The following RSU1 variants were observed in gnomAD, a reference collection of about 807,000 sequenced individuals.
The protein encoded by RSU1 is Ras suppressor protein 1, also known as rsu-1.
Under a neutral mutation model 31.1 loss-of-function variants are expected in RSU1, and 26 were observed. The observed-to-expected ratio is 0.84, with a 90% CI of 0.61 to 1.16. The LOEUF (loss-of-function observed/expected upper bound fraction) is 1.16, where lower values mean the gene tolerates loss of function less well. Ranked by LOEUF, RSU1 falls within the 50% of genes most tolerant of loss-of-function variation. The pLI is 0.00. For synonymous variants in RSU1, 164 were observed against 136.3 expected (o/e 1.20, Z -1.41); for missense variants, 320 against 339.1 (o/e 0.94, Z 0.44).
At chr10:16,656,719 T>A (rs368653882) in intron 8 of RSU1, among the ~76,000 whole-genome samples, 1 of 152,156 alleles carries the variant, frequency 6.6e-6, no homozygotes, top group East Asian at 1.9e-4. Flanking sequence ...AGAATCGGCT[T>A]ATATATATTA....
chr10:16,781,213 C>T (rs922847585), intron 3 of RSU1, among the ~76,000 whole-genome samples: 2 of 152,030 alleles, frequency 1.3e-5, no homozygotes, highest in South Asian at 2.1e-4. Flanking sequence ...GGGAAAGGAG[C>T]GTGGGTCCCT....
chr10:16,716,567 A>G (rs1281009187), intron 7 of RSU1, among the ~76,000 whole-genome samples: 4 of 152,050 alleles, frequency 2.6e-5, no homozygotes, highest in African/African-American at 2.4e-5. Context: ...ATGAGCACCA[A>G]AAGACCACAC....
At chr10:16,596,441 G>T (rs888349443) in intron 8 of RSU1, among the ~76,000 whole-genome samples, 3 of 152,182 alleles carry the variant, frequency 2.0e-5, no homozygotes, top group African/African-American at 7.2e-5. Flanking sequence ...GTCCTCAGAT[G>T]TTGATCTACT....
chr10:16,684,426 T>C (rs1454175678), intron 8 of RSU1, among the ~76,000 whole-genome samples: 1 of 152,160 alleles, frequency 6.6e-6, no homozygotes, highest in Non-Finnish European at 1.5e-5. Context: ...AATGGTCATA[T>C]TTGGAGACAG....
At chr10:16,750,391 C>T (rs1836952810) in intron 7 of RSU1, among the ~76,000 whole-genome samples, 1 of 150,892 alleles carries the variant, frequency 6.6e-6, no homozygotes, top group Non-Finnish European at 1.5e-5. Flanking sequence ...AAGCCTTCCC[C>T]CTCAATTCTA....
intron 7 of RSU1, among the ~76,000 whole-genome samples, chr10:16,721,010 CAAAT>C (rs1015569040): frequency 1.1e-4 from 16 of 152,002 alleles, no homozygotes; most frequent in African/African-American, 2.2e-4. Flanking sequence ...AATAAACAAA[CAAAT>C]AAATAAATAA....
chr10:16,632,007 T>G (rs1834259048), intron 8 of RSU1, among the ~76,000 whole-genome samples: 1 of 152,194 alleles, frequency 6.6e-6, no homozygotes, highest in Non-Finnish European at 1.5e-5. Flanking sequence ...GCTGCTGCCT[T>G]GACTGACAAG....
At chr10:16,749,026 T>C (rs1836919109) in intron 7 of RSU1, among the ~76,000 whole-genome samples, 1 of 152,140 alleles carries the variant, frequency 6.6e-6, no homozygotes, top group African/African-American at 2.4e-5. Context: ...GTTGAGTAAG[T>C]GACTCTTACT....
chr10:16,786,128 C>A (rs997051419), intron 2 of RSU1, among the ~76,000 whole-genome samples: 1 of 152,192 alleles, frequency 6.6e-6, no homozygotes, highest in Admixed American at 6.5e-5. Context: ...GCCAGGGATG[C>A]TGACACACAT....
At chr10:16,600,017 G>A (rs1050790214) in intron 8 of RSU1, among the ~76,000 whole-genome samples, 18 of 152,230 alleles carry the variant, frequency 1.2e-4, no homozygotes, top group South Asian at 2.1e-4. Flanking sequence ...CCTGATAGCC[G>A]GGATTTGGAG....
intron 7 of RSU1, among the ~76,000 whole-genome samples, chr10:16,728,215 C>T (rs1356396888): frequency 2.0e-5 from 3 of 152,104 alleles, no homozygotes; most frequent in Admixed American, 6.6e-5. Context: ...GTTACAACAG[C>T]GAAAAGCATG....
In RSU1 at chr10:16,683,157, T is replaced by TG. The variant is rs1564315491; in HGVS notation, c.731+11865dup. On this transcript the variant is annotated intron_variant, in intron 8 of 8. Transcript: ENST00000345264. ...CCAAGCCTTAAGAGAGGAATGGGTG[T>TG]GTGGTGTGTGTGTGTGTGTGTGTGT... 4.5e-5 allele frequency among the ~76,000 whole-genome samples: 4 copies of TG among 88,542 alleles called. No individual in the cohort carries two copies. The East Asian group carries it at 1.2e-3, about 26-fold the overall frequency. 58.1% of individuals were successfully genotyped at this position (88,542 alleles called of 152,430 possible).
rs529654866 is a variant in RSU1, at chr10:16,703,940, C to A, written c.599-8785G>T. Among the ~76,000 whole-genome samples the A allele has an allele frequency of 2.6e-3, 400 of 152,262 alleles. 1 individual carries two copies. Among genetic ancestry groups the A allele is most frequent in the South Asian group, 0.011 (55 of 4,830 alleles). On this transcript the variant is annotated intron_variant, in intron 7 of 8. Coordinates refer to ENST00000345264, the MANE Select transcript of RSU1 (RefSeq NM_012425.4). ...TGAGTGTGCATCAGAATATTTTTTA[C>A]AGAGTGACTACAACTTTCAGAGTTT...
chr10:16,639,226 G>T (rs922976527), intron 8 of RSU1, among the ~76,000 whole-genome samples: 15 of 152,106 alleles, frequency 9.9e-5, no homozygotes, highest in Admixed American at 9.8e-4. Context: ...ACGTGACTCC[G>T]GCCTATTAAA....
At chr10:16,804,093 T>C (rs1427582957) in intron 2 of RSU1, among the ~76,000 whole-genome samples, 1 of 152,032 alleles carries the variant, frequency 6.6e-6, no homozygotes, top group Non-Finnish European at 1.5e-5. Context: ...AAAGAACTAG[T>C]ATCCAAAATA....
intron 8 of RSU1, among the ~76,000 whole-genome samples, chr10:16,668,084 C>T (rs1295223253): frequency 6.6e-6 from 1 of 152,146 alleles, no homozygotes; most frequent in Non-Finnish European, 1.5e-5. Context: ...TCAATTCTGG[C>T]TCTACTACAT....
chr10:16,628,613 A>G (rs1379656611), intron 8 of RSU1, among the ~76,000 whole-genome samples: 1 of 152,182 alleles, frequency 6.6e-6, no homozygotes, highest in African/African-American at 2.4e-5. Flanking sequence ...CATGCTGTAT[A>G]TTTTTTCTCA....
intron 3 of RSU1, among the ~76,000 whole-genome samples, chr10:16,779,613 C>A (rs144343315): frequency 5.5e-4 from 84 of 152,074 alleles, no homozygotes; most frequent in African/African-American, 2.0e-3. Flanking sequence ...AAGATAAAAG[C>A]AGTGCCGGGT....
At chr10:16,681,514 G>A (rs770574222) in intron 8 of RSU1, among the ~76,000 whole-genome samples, 3 of 152,030 alleles carry the variant, frequency 2.0e-5, no homozygotes, top group Admixed American at 2.0e-4. Flanking sequence ...TAAAAAAATC[G>A]ATAAAGCAAA....
Sources: gnomAD v4.1 joint callset for allele counts (sites outside exome capture counted in the v4.1 genomes callset) on GRCh38, gnomAD v4.1.1 for gene constraint, MANE v1.5 for transcripts, NCBI Gene and HGNC (gene_info 2026-07-23, HGNC 2026-07-21) for gene names.